SLC1A6: variants seen among roughly 807,000 people sequenced by gnomAD.
SLC1A6 encodes the protein excitatory amino acid transporter 4.
In SLC1A6, 15 loss-of-function variants were observed where a neutral mutation model predicts 42.1. That is an observed-to-expected ratio of 0.36 (90% CI 0.24 to 0.55). The LOEUF is 0.55. Among genes scored for constraint, SLC1A6 ranks in the 20% least tolerant of loss-of-function variants. The pLI is 0.88. For missense variants in SLC1A6, 542 were observed against 772.5 expected, an observed-to-expected ratio of 0.70 and a Z score of 3.54; for synonymous variants, 317 against 319.7, an observed-to-expected ratio of 0.99 and a Z score of 0.09.
At chr19:15,005,639 A>C (rs1031048497) in intron 1 of SLC1A6, among the ~76,000 whole-genome samples, 2 of 152,174 alleles carry the variant, frequency 1.3e-5, no homozygotes, top group African/African-American at 4.8e-5. Flanking sequence ...TGATATAGAG[A>C]ATGGAAACTG....
At position 14,958,760 on chromosome 19, in the gene SLC1A6, C is replaced by A. The variant is rs146592216; in HGVS notation, c.936-2051G>T. ...ACCCCCTACACTCAGCCACCTGGCA[C>A]ATCTGGACATTTCACCCAATCATGC... is the stretch of plus-strand genomic sequence containing the variant. On this transcript the variant is annotated intron_variant, in intron 6 of 9. Transcript: ENST00000594383. Among the ~76,000 whole-genome samples, 659 of 152,310 alleles carry A rather than the reference C, an allele frequency of 4.3e-3. 4 individuals carry two copies. The highest frequency in any genetic ancestry group is 0.015 in the African/African-American group (628 of 41,564).
chr19:14,954,083 T>G, intron 8 of SLC1A6, 52 bp downstream of exon 8: 2 of 1,156,946 alleles, frequency 1.7e-6, no homozygotes, highest in Non-Finnish European at 2.4e-6. Context: ...CCAGCCAAGC[T>G]GATGACCGCT....
intron 1 of SLC1A6, among the ~76,000 whole-genome samples, chr19:15,006,521 G>A (rs1447332554): frequency 1.3e-5 from 2 of 151,910 alleles, no homozygotes; most frequent in East Asian, 1.9e-4. Flanking sequence ...CGTGGGAGTC[G>A]CTGGTTGCCC....
rs889266576 is a variant in SLC1A6, at chr19:14,954,274, G to A, written c.1225C>T (p.Arg409Cys). ...GGCAGGACGAACCTGGTGATGCGGCGGTCCACACCCAGGCCCTCCTCCAGG... is the reference window on the plus strand; with the variant it reads ...GGCAGGACGAACCTGGTGATGCGGCAGTCCACACCCAGGCCCTCCTCCAGG... ...RCLEEGLGVD[R>C]RITRFVLPVG... Residue 409 changes from arginine to cysteine, a missense_variant, in exon 8 of 10, where the codon CGC (arginine) becomes TGC (cysteine). Arg to Cys is a radical substitution (Grantham distance 180, BLOSUM62 -3). Around this residue, in one of 6 missense-constraint regions of SLC1A6, gnomAD observed 298 missense variants for 419.4 expected, o/e 0.71. Coordinates refer to ENST00000594383, the MANE Select transcript of SLC1A6 (RefSeq NM_005071.3). 3.7e-6 allele frequency: 6 copies of A among 1,613,214 alleles called. No homozygotes were observed. Among genetic ancestry groups the A allele is most frequent in the African/African-American group, 1.3e-5 (1 of 74,940 alleles).
At chr19:14,956,937 G>A (rs1300711409) in intron 6 of SLC1A6, among the ~76,000 whole-genome samples, 7 of 152,030 alleles carry the variant, frequency 4.6e-5, no homozygotes, top group Non-Finnish European at 8.8e-5. Flanking sequence ...TCCCCACCAT[G>A]GTAGAAAAGT....
chr19:14,988,520 G>A (rs1003764874), intron 1 of SLC1A6, among the ~76,000 whole-genome samples: 2 of 152,090 alleles, frequency 1.3e-5, no homozygotes, highest in African/African-American at 4.8e-5. Context: ...TGGCCAACAG[G>A]TTCATGAAAG....
intron 1 of SLC1A6, among the ~76,000 whole-genome samples, chr19:15,001,638 T>A (rs889045914): frequency 1.3e-5 from 2 of 152,168 alleles, no homozygotes; most frequent in Non-Finnish European, 2.9e-5. Context: ...ACCCACCTAT[T>A]GGTTGTAAAG....
intron 1 of SLC1A6, among the ~76,000 whole-genome samples, chr19:14,987,016 C>A (rs1177371121): frequency 6.6e-6 from 1 of 152,102 alleles, no homozygotes; most frequent in African/African-American, 2.4e-5. Flanking sequence ...AGTGCATAGA[C>A]TAACACAGTG....
At chr19:14,955,107 G>A (rs2045449779) in intron 7 of SLC1A6, among the ~76,000 whole-genome samples, 1 of 152,130 alleles carries the variant, frequency 6.6e-6, no homozygotes, top group South Asian at 2.1e-4. Flanking sequence ...TCCACAAGGC[G>A]TGTGTTCTGT....
At chr19:14,964,255 C>T in intron 5 of SLC1A6, 64 bp downstream of exon 5, 1 of 1,420,398 alleles carries the variant, frequency 7.0e-7, no homozygotes, top group Non-Finnish European at 1.0e-6. Context: ...TGGACCATCC[C>T]TTCAGCCCCA....
At chr19:14,957,992 CA>C (rs1386082337) in intron 6 of SLC1A6, among the ~76,000 whole-genome samples, 4 of 152,186 alleles carry the variant, frequency 2.6e-5, no homozygotes, top group Admixed American at 6.6e-5. Context: ...ATGAAAGAAG[CA>C]AGTTCATCAG....
chr19:14,983,710 C>A (rs532107897), upstream of SLC1A6, among the ~76,000 whole-genome samples: 1 of 72,694 alleles, frequency 1.4e-5, no homozygotes, highest in African/African-American at 5.5e-5. Context: ...ACAACAAGAA[C>A]AACAACACCA....
chr19:14,969,217 G>A (rs1286252821), intron 3 of SLC1A6, among the ~76,000 whole-genome samples: 3 of 151,906 alleles, frequency 2.0e-5, no homozygotes, highest in African/African-American at 7.3e-5. Context: ...ACCTCACGGC[G>A]CACCCTTTGT....
At chr19:14,958,075 T>C (rs1002155769) in intron 6 of SLC1A6, among the ~76,000 whole-genome samples, 1 of 152,148 alleles carries the variant, frequency 6.6e-6, no homozygotes, top group African/African-American at 2.4e-5. Flanking sequence ...GGCACCATCA[T>C]CTCATTTCGA....
intron 1 of SLC1A6, among the ~76,000 whole-genome samples, chr19:15,008,378 T>G (rs1386616135): frequency 6.6e-6 from 1 of 151,204 alleles, no homozygotes. Flanking sequence ...ATACAGAATA[T>G]CTATTATTTT....
intron 2 of SLC1A6, 157 bp downstream of exon 2, chr19:14,972,549 G>T: frequency 1.6e-6 from 1 of 632,018 alleles, no homozygotes; most frequent in Non-Finnish European, 2.9e-6. Context: ...TCTGTGTGGT[G>T]TGTCTTTATG....
chr19:14,951,253 C>CAAAAAAAAAAAAA (rs1164185118), intron 9 of SLC1A6, among the ~76,000 whole-genome samples: 2 of 86,860 alleles, frequency 2.3e-5, no homozygotes, highest in East Asian at 4.1e-4. Context: ...CTCTGTCTCA[C>CAAAAAAAAAAAAA]AAAAAAAAAA....
intron 6 of SLC1A6, chr19:14,961,718 T>A: frequency 2.7e-6 from 1 of 376,076 alleles, no homozygotes. Flanking sequence ...AACAAAGCAG[T>A]GAATGAATCA....
At chr19:14,978,365 G>A (rs2045734089) in intron 1 of SLC1A6, 1 of 152,248 alleles carries the variant, frequency 6.6e-6, no homozygotes, top group Admixed American at 6.6e-5. Context: ...GTGAGTGAGG[G>A]AAGAGAGAGA....
Sources: gnomAD v4.1 joint callset for allele counts (sites outside exome capture counted in the v4.1 genomes callset) on GRCh38, gnomAD v4.1.1 for gene constraint, gnomAD v4.1.1 regional missense constraint, MANE v1.5 for transcripts, NCBI Gene and HGNC (gene_info 2026-07-23, HGNC 2026-07-21) for gene names.